Variants in KPNA4 observed in about 807,000 individuals in gnomAD.
The protein encoded by KPNA4 is importin subunit alpha-3.
A neutral mutation model predicts 71.3 loss-of-function variants in KPNA4; 13 were observed. That is an observed-to-expected ratio of 0.18 (90% CI 0.12 to 0.29). The LOEUF is 0.29. Ranked by LOEUF, KPNA4 falls within the 10% of genes least tolerant of loss-of-function variation. KPNA4 has a pLI of 1.00. For synonymous variants in KPNA4, 189 were observed against 195.2 expected (o/e 0.97, Z 0.26); for missense variants, 334 against 603.2 (o/e 0.55, Z 4.67).
chr3:160,515,770 C>T (rs1721203687), intron 11 of KPNA4, among the ~76,000 whole-genome samples, 190 bp from the exon 12 acceptor site: 1 of 151,932 alleles, frequency 6.6e-6, no homozygotes, highest in Non-Finnish European at 1.5e-5. Flanking sequence ...GTGCACGACC[C>T]TGTCCGGCTA....
chr3:160,540,818 G>T (rs1174359685), intron 1 of KPNA4, among the ~76,000 whole-genome samples: 2 of 152,216 alleles, frequency 1.3e-5, no homozygotes, highest in Non-Finnish European at 2.9e-5. Context: ...GACTGTAAGT[G>T]GGGGAGGTTG....
At chr3:160,522,585 G>A (rs1211971684) in intron 10 of KPNA4, among the ~76,000 whole-genome samples, 2 of 152,106 alleles carry the variant, frequency 1.3e-5, no homozygotes, top group African/African-American at 4.8e-5. Context: ...AGCCTCCCGA[G>A]TAGCTGGGAC....
chr3:160,539,836 G>A (rs1721762300), intron 1 of KPNA4, among the ~76,000 whole-genome samples: 1 of 151,956 alleles, frequency 6.6e-6, no homozygotes, highest in Admixed American at 6.6e-5. Flanking sequence ...GGTATAATGG[G>A]CTTTAACTTC....
intron 15 of KPNA4, among the ~76,000 whole-genome samples, chr3:160,506,402 T>G (rs1720985184): frequency 6.6e-6 from 1 of 152,180 alleles, no homozygotes; most frequent in Non-Finnish European, 1.5e-5. Flanking sequence ...ACTTCTGGCC[T>G]CAGGTGATCT....
At chr3:160,557,729 C>T (rs1041250999) in intron 1 of KPNA4, among the ~76,000 whole-genome samples, 1 of 152,200 alleles carries the variant, frequency 6.6e-6, no homozygotes, top group Admixed American at 6.5e-5. Flanking sequence ...GGCTGGAGTG[C>T]AGTGGCATGG....
At chr3:160,542,221 GT>G (rs1458664477) in intron 1 of KPNA4, among the ~76,000 whole-genome samples, 1 of 152,196 alleles carries the variant, frequency 6.6e-6, no homozygotes, top group African/African-American at 2.4e-5. Flanking sequence ...AGAAAAGTGA[GT>G]TACTGGTGAT....
intron 1 of KPNA4, 110 bp downstream of exon 1, chr3:160,565,104 C>G: frequency 1.1e-6 from 1 of 882,914 alleles, no homozygotes; most frequent in Non-Finnish European, 1.8e-6. Context: ...TAGCGCCATT[C>G]CCCGAGGCCT....
chr3:160,560,313 A>G (rs1369503904), intron 1 of KPNA4, among the ~76,000 whole-genome samples: 2 of 152,216 alleles, frequency 1.3e-5, no homozygotes, highest in Non-Finnish European at 2.9e-5. Flanking sequence ...AATAAATTCA[A>G]TATGTATAAG....
chr3:160,506,359 G>A (rs765561669), intron 15 of KPNA4, among the ~76,000 whole-genome samples: 3 of 152,162 alleles, frequency 2.0e-5, no homozygotes, highest in East Asian at 3.9e-4. Context: ...TAGTAGAGAC[G>A]GGGTTTCATC....
chr3:160,540,718 C>T (rs888002059), intron 1 of KPNA4, among the ~76,000 whole-genome samples: 4 of 152,144 alleles, frequency 2.6e-5, no homozygotes, highest in Admixed American at 1.3e-4. Context: ...TACACTGATG[C>T]AGTAAGCAGT....
chr3:160,545,901 G>A (rs1721894770), intron 1 of KPNA4, among the ~76,000 whole-genome samples: 1 of 152,170 alleles, frequency 6.6e-6, no homozygotes, highest in South Asian at 2.1e-4. Context: ...TACGGTTTTT[G>A]ATCCAAACAA....
chr3:160,538,488 T>C (rs567103581), intron 1 of KPNA4, among the ~76,000 whole-genome samples: 4 of 152,258 alleles, frequency 2.6e-5, no homozygotes, highest in African/African-American at 9.6e-5. Context: ...TTCTTCTAAA[T>C]TCCAGGGGCC....
rs1169784553 is a variant in KPNA4, at chr3:160,501,738, AC to A, written c.*365del. ...GCTTACAAGGCTTGAAGATGACGGT[AC>A]TGCACTTTCCCCTCAATTGATATAG... On this transcript the variant is annotated 3_prime_UTR_variant, in exon 17 of 17. Transcript: ENST00000334256. 2.6e-5 allele frequency: 4 copies of A among 152,810 alleles called. No individual in the cohort carries two copies. Among genetic ancestry groups the A allele is most frequent in the African/African-American group, 9.6e-5 (4 of 41,458 alleles). The allele number at this position is 152,810 out of a possible 1,614,324, so 9.5% of individuals were successfully genotyped here.
chr3:160,510,482 T>C (rs964039516), intron 13 of KPNA4, among the ~76,000 whole-genome samples: 12 of 152,252 alleles, frequency 7.9e-5, no homozygotes, highest in South Asian at 2.1e-4. Context: ...ATAAGCATAA[T>C]TGTCTAATTA....
At chr3:160,513,850 AAGAATG>A (rs746997542) in intron 13 of KPNA4, among the ~76,000 whole-genome samples, 2 of 152,154 alleles carry the variant, frequency 1.3e-5, no homozygotes, top group Non-Finnish European at 2.9e-5. Context: ...ATTTTGGTAA[AAGAATG>A]ATACACAGAA....
chr3:160,505,809 T>C (rs1325381724), intron 15 of KPNA4, among the ~76,000 whole-genome samples: 1 of 152,222 alleles, frequency 6.6e-6, no homozygotes, highest in Non-Finnish European at 1.5e-5. Flanking sequence ...ACACATAGGC[T>C]GAGGACTTGC....
At chr3:160,536,704 C>G in intron 2 of KPNA4, 92 bp downstream of exon 2, 1 of 667,312 alleles carries the variant, frequency 1.5e-6, no homozygotes, top group Non-Finnish European at 2.4e-6. Flanking sequence ...TACATTTTAC[C>G]TAAAAACATA....
chr3:160,531,441 A>AT, intron 6 of KPNA4, 21 bp downstream of exon 6: 2 of 1,293,314 alleles, frequency 1.5e-6, no homozygotes, highest in Non-Finnish European at 2.1e-6. Context: ...TTAAAAAAAA[A>AT]AAAATAAATA....
chr3:160,559,563 G>T (rs1722203679), intron 1 of KPNA4, among the ~76,000 whole-genome samples: 1 of 152,130 alleles, frequency 6.6e-6, no homozygotes, highest in Non-Finnish European at 1.5e-5. Flanking sequence ...AGATTTTAAT[G>T]TAACAGTGTA....
Sources: gnomAD v4.1 joint callset for allele counts (sites outside exome capture counted in the v4.1 genomes callset) on GRCh38, gnomAD v4.1.1 for gene constraint, MANE v1.5 for transcripts, NCBI Gene and HGNC (gene_info 2026-07-23, HGNC 2026-07-21) for gene names.